SF3B2: variants seen among roughly 807,000 people sequenced by gnomAD.
SF3B2 encodes splicing factor 3b subunit 2.
In SF3B2, 22 loss-of-function variants were observed where a neutral mutation model predicts 116.3. The observed-to-expected ratio is 0.19, with a 90% CI of 0.14 to 0.27. The LOEUF (loss-of-function observed/expected upper bound fraction) is 0.27, where lower values mean the gene tolerates loss of function less well. Ranked by LOEUF, SF3B2 falls within the 10% of genes least tolerant of loss-of-function variation. The pLI is 1.00. For synonymous variants in SF3B2, 406 were observed against 421.6 expected (o/e 0.96, Z 0.45); for missense variants, 767 against 1,151.4 (o/e 0.67, Z 4.83).
rs745967712 is a variant in SF3B2 at position 66,059,177 on chromosome 11, G to A, written c.1183-24G>A. 6.2e-7 allele frequency: 1 copy of A among 1,614,030 alleles called. No homozygotes were observed. The highest frequency in any genetic ancestry group is 8.5e-7 in the Non-Finnish European group (1 of 1,179,984). On this transcript the variant is annotated intron_variant, in intron 10 of 21. Transcript: ENST00000322535. The surrounding 1 kb of genome is among the most constrained non-coding windows in gnomAD (Gnocchi z 5.0). ...CTGGGAAGGGGCTCAGAGGGCAGGG[G>A]TTTCACCTTGTCTGCCTCCTTAGCT...
chr11:66,068,502 A>T, intron 21 of SF3B2, 169 bp downstream of exon 21: 3 of 872,852 alleles, frequency 3.4e-6, no homozygotes. Flanking sequence ...TGCCCTCTTT[A>T]AGGACGATGA....
intron 5 of SF3B2, chr11:66,055,792 A>T: frequency 1.9e-6 from 1 of 518,030 alleles, no homozygotes. Context: ...CCTATGAGCT[A>T]AAAATAACTT....
rs541168569 is a variant in SF3B2, at chr11:66,053,222, C to T, written c.258+118C>T. On this transcript the variant is annotated intron_variant, in intron 3 of 21. Transcript: ENST00000322535. Reference sequence around the variant, plus strand: ...ATGTGACACCCTTGCACATTACTCGCCTGACCTGAGTGGGGAAAAAAAAAG... The same window carrying T: ...ATGTGACACCCTTGCACATTACTCGTCTGACCTGAGTGGGGAAAAAAAAAG... 1.0e-4 allele frequency: 100 copies of T among 966,882 alleles called. 2 individuals carry two copies. The South Asian group carries it at 1.3e-3, about 12-fold the overall frequency. 59.9% of individuals were successfully genotyped at this position (966,882 alleles called of 1,614,324 possible). A position where few individuals can be genotyped will look rare whatever the true frequency, so the allele number is the denominator to read the frequency against.
At chr11:66,066,957 C>T in intron 19 of SF3B2, 1 of 171,586 alleles carries the variant, frequency 5.8e-6, no homozygotes, top group South Asian at 1.3e-4. Flanking sequence ...ATGAGTCTCC[C>T]CTCTGTTCTG....
chr11:66,054,925 T>G, intron 3 of SF3B2, 151 bp from the exon 4 acceptor site: 5 of 694,506 alleles, frequency 7.2e-6, no homozygotes, highest in Middle Eastern at 2.7e-4. Context: ...CTCATATCTT[T>G]ATAGAGCTGT....
At chr11:66,064,973 T>TC (rs1857156682) in intron 19 of SF3B2, 1 of 148,618 alleles carries the variant, frequency 6.7e-6, no homozygotes, top group African/African-American at 2.5e-5. Context: ...CTTTCAACAC[T>TC]TTTTTTTTTC....
At chr11:66,063,220 G>A in intron 17 of SF3B2, 104 bp downstream of exon 17, 1 of 1,053,416 alleles carries the variant, frequency 9.5e-7, no homozygotes, top group Non-Finnish European at 1.4e-6. Context: ...TGACACAGCA[G>A]AGCCTGGAAA....
chr11:66,068,629 G>C, intron 21 of SF3B2, 45 bp from the exon 22 acceptor site: 1 of 1,567,784 alleles, frequency 6.4e-7, no homozygotes, highest in Admixed American at 1.7e-5. Context: ...GGGGTCCGGG[G>C]GTGGTTCAAC....
rs1857129713 is a variant in SF3B2 at position 66,063,451 on chromosome 11, C to G, written c.2137C>G (p.Pro713Ala). ...IDRTPWGELE[P>A]SDEESSEEEE... ...TCGGACCCCTTGGGGGGAACTGGAA[C>G]CATCTGATGAAGAATCCTCAGAAGA... Residue 713 changes from proline to alanine, a missense_variant, in exon 18 of 22, where the codon CCA (proline) becomes GCA (alanine). Pro to Ala is a conservative substitution (Grantham distance 27, BLOSUM62 -1). Coordinates refer to ENST00000322535, the MANE Select transcript of SF3B2 (RefSeq NM_006842.3). 6.2e-7 allele frequency: 1 copy of G among 1,613,920 alleles called. No individual in the cohort carries two copies. Among genetic ancestry groups the G allele is most frequent in the Non-Finnish European group, 8.5e-7 (1 of 1,179,926 alleles).
intron 19 of SF3B2, chr11:66,066,238 CATTAGTTG>C (rs1371484492): frequency 6.6e-6 from 1 of 152,110 alleles, no homozygotes; most frequent in Non-Finnish European, 1.5e-5. Flanking sequence ...GGTTGACTGC[CATTAGTTG>C]ATTCATTTTC....
chr11:66,059,598 A>G lies in SF3B2; in HGVS notation c.1401+3A>G, dbSNP rs766420379. On this transcript the variant is annotated splice_donor_region_variant and intron_variant, in intron 12 of 21. Coordinates refer to ENST00000322535, the MANE Select transcript of SF3B2 (RefSeq NM_006842.3). The surrounding 1 kb of genome is among the most constrained non-coding windows in gnomAD (Gnocchi z 5.0). The stretch of plus-strand genomic sequence containing the variant: ...TCACTGTGGCTGAACTCAAGCAGGT[A>G]AGACCTGAGAGGATCCTGCAGGCCC... 2.5e-6 allele frequency: 4 copies of G among 1,613,970 alleles called. No homozygotes were observed. In the South Asian group the frequency reaches 3.3e-5, roughly 13 times the overall value.
At position 66,058,841 on chromosome 11, in the gene SF3B2, G is replaced by A. The variant is rs914121888; in HGVS notation, c.978G>A (p.Lys326=). ...VSVSKKEKNR[K]RRNRKKKKKP... is the part of the protein sequence containing the mutation. ...CCTCCTCTTGACAGAAAAACCGGAA[G>A]CGTAGGAACCGAAAGAAGAAGAAAA... The change falls in exon 10 of 22, where the codon AAG becomes AAA. Residue 326 remains lysine (K), a synonymous_variant. Coordinates refer to ENST00000322535, the MANE Select transcript of SF3B2 (RefSeq NM_006842.3). The A allele has an allele frequency of 1.2e-6, 2 of 1,610,044 alleles. No homozygotes were observed. Among genetic ancestry groups the A allele is most frequent in the East Asian group, 2.2e-5 (1 of 44,838 alleles).
chr11:66,063,074 G>C lies in SF3B2; in HGVS notation c.2043G>C (p.Pro681=). The C allele has an allele frequency of 6.2e-7, 1 of 1,614,016 alleles. No homozygotes were observed. Among genetic ancestry groups the C allele is most frequent in the East Asian group, 2.2e-5 (1 of 44,872 alleles). The change falls in exon 17 of 22, where the codon CCG becomes CCC. Residue 681 remains proline, a synonymous_variant. Transcript: ENST00000322535. ...GKPPVDETGK[P]LYGDVFGTNA... is the part of the protein sequence containing the mutation. Reference sequence around the variant, plus strand: ...CTCCAGTGGATGAGACTGGGAAACCGCTCTATGGGGACGTGTTTGGAACCA... The same window carrying C: ...CTCCAGTGGATGAGACTGGGAAACCCCTCTATGGGGACGTGTTTGGAACCA...
chr11:66,062,973 C>G (rs765592485), intron 16 of SF3B2, 36 bp from the exon 17 acceptor site: 4 of 1,444,888 alleles, frequency 2.8e-6, no homozygotes, highest in Non-Finnish European at 3.8e-6. Context: ...TCTTTTGCAG[C>G]TAAGGAGTGA....
chr11:66,054,538 G>A, intron 3 of SF3B2, among the ~76,000 whole-genome samples: 1 of 151,762 alleles, frequency 6.6e-6, no homozygotes, highest in East Asian at 1.9e-4. Flanking sequence ...TACCCAGCTG[G>A]AAGCAATCAC....
Position 66,067,942 on chromosome 11 carries a change from G to A in SF3B2, c.2331-4G>A, listed in dbSNP as rs370769595. On this transcript the variant is annotated splice_polypyrimidine_tract_variant and splice_region_variant and intron_variant, in intron 19 of 21. Coordinates refer to ENST00000322535, the MANE Select transcript of SF3B2 (RefSeq NM_006842.3). ...TTTGGGCCTGATCCCATTGTCCTTC[G>A]CAGAAGTGAGACACCTCAGCTCTTC... 32 of 1,612,806 alleles carry A rather than the reference G, an allele frequency of 2.0e-5. No homozygotes were observed. Among genetic ancestry groups the A allele is most frequent in the African/African-American group, 9.4e-5 (7 of 74,810 alleles).
intron 21 of SF3B2, 149 bp downstream of exon 21, chr11:66,068,482 T>A (rs1483666110): frequency 4.3e-6 from 4 of 935,074 alleles, no homozygotes; most frequent in Non-Finnish European, 4.8e-6. Context: ...TTAGAAATCC[T>A]CCAGTGGGCT....
intron 14 of SF3B2, among the ~76,000 whole-genome samples, chr11:66,060,987 G>A (rs994152537): frequency 6.6e-6 from 1 of 151,994 alleles, no homozygotes; most frequent in African/African-American, 2.4e-5. Context: ...GTAGAGACAG[G>A]GTTTCGCTAT....
intron 9 of SF3B2, 21 bp from the exon 10 acceptor site, chr11:66,058,809 T>G (rs1857048005): frequency 6.3e-7 from 1 of 1,599,316 alleles, no homozygotes; most frequent in Admixed American, 1.7e-5. Flanking sequence ...CTGACCCAGC[T>G]GGTTTTCCTC....
Sources: allele counts gnomAD v4.1 joint callset (sites outside exome capture counted in the v4.1 genomes callset), GRCh38; gene constraint gnomAD v4.1.1; non-coding constraint Gnocchi (gnomAD v3.1); transcripts MANE v1.5; gene names NCBI Gene and HGNC (gene_info 2026-07-23, HGNC 2026-07-21).